The following PRKCZ variants were observed in gnomAD, a reference collection of about 807,000 sequenced individuals.
The protein encoded by PRKCZ is protein kinase C zeta, also known as protein kinase C zeta type.
In PRKCZ, 33 loss-of-function variants were observed where a neutral mutation model predicts 79.5. The ratio of observed to expected loss-of-function variants is 0.41; its 90% CI spans 0.31 to 0.55. The LOEUF is 0.55. PRKCZ is among the 20% of genes least tolerant of loss of function. The pLI, the probability that PRKCZ is intolerant of heterozygous loss-of-function variation, is 0.19. For missense variants in PRKCZ, 578 were observed against 813.5 expected, an observed-to-expected ratio of 0.71 and a Z score of 3.52; for synonymous variants, 342 against 320.9, an observed-to-expected ratio of 1.07 and a Z score of -0.70.
chr1:2,127,485 C>T lies in PRKCZ; in HGVS notation c.335-7777C>T, dbSNP rs979920648. On this transcript the variant is annotated intron_variant, in intron 4 of 17. Coordinates refer to ENST00000378567, the MANE Select transcript of PRKCZ (RefSeq NM_002744.6). The surrounding 1 kb of genome is among the most constrained non-coding windows in gnomAD (Gnocchi z 5.1). Reference sequence around the variant, plus strand: ...CTCACCCTCTGGTCCTGGCTGGGCCCGTCCCGCCCCACGTCCCGCCTCCCA... The same window carrying T: ...CTCACCCTCTGGTCCTGGCTGGGCCTGTCCCGCCCCACGTCCCGCCTCCCA... Among the ~76,000 whole-genome samples, 2 of 152,054 alleles carry T rather than the reference C, an allele frequency of 1.3e-5. No homozygotes were observed. The highest frequency in any genetic ancestry group is 2.4e-5 in the African/African-American group (1 of 41,390).
At position 2,075,120 on chromosome 1, in the gene PRKCZ, T is replaced by G. The variant is rs1662159501; in HGVS notation, c.334+15529T>G. 6.6e-6 allele frequency: 1 copy of G among 152,098 alleles called. No homozygotes were observed. Among genetic ancestry groups the G allele is most frequent in the African/African-American group, 2.4e-5 (1 of 41,366 alleles). 9.4% of individuals were successfully genotyped at this position (152,098 alleles called of 1,614,324 possible). ...GCAGGGGTCCTTGAGTGATGAAGAT[T>G]CTGTGTTGATGGGGTGAGTGGGAGA... On this transcript the variant is annotated intron_variant, in intron 4 of 17. Transcript: ENST00000378567. This position sits in a 1 kb window ranked among gnomAD's most constrained non-coding sequence, Gnocchi z 4.8.
intron 4 of PRKCZ, among the ~76,000 whole-genome samples, chr1:2,099,475 G>A (rs1245037275): frequency 1.3e-5 from 2 of 151,958 alleles, no homozygotes; most frequent in African/African-American, 2.4e-5. Flanking sequence ...GGACACAGGC[G>A]GCTGCCAGGA....
At chr1:2,157,712 G>GTTT (rs71578360) in intron 10 of PRKCZ, among the ~76,000 whole-genome samples, 2 of 134,158 alleles carry the variant, frequency 1.5e-5, no homozygotes, top group Non-Finnish European at 1.6e-5. Context: ...CGCCTCCAGA[G>GTTT]TTTTTTTTTT....
chr1:2,104,511 A>G (rs1571399247), intron 4 of PRKCZ, among the ~76,000 whole-genome samples: 1 of 152,082 alleles, frequency 6.6e-6, no homozygotes, highest in Non-Finnish European at 1.5e-5. Context: ...GGGGACAGAC[A>G]GGGGAGCCCC....
intron 4 of PRKCZ, 117 bp downstream of exon 4, chr1:2,059,708 A>C: frequency 7.3e-7 from 1 of 1,373,798 alleles, no homozygotes; most frequent in Non-Finnish European, 1.0e-6. Context: ...GTGGAGCGTC[A>C]GGGCAGGAGC....
chr1:2,061,143 G>T (rs1660636870), intron 4 of PRKCZ, among the ~76,000 whole-genome samples: 2 of 152,200 alleles, frequency 1.3e-5, no homozygotes, highest in Admixed American at 6.5e-5. Context: ...TTGGTGACAG[G>T]ACTGTGCTCC....
At chr1:2,126,030 C>T (rs954918146) in intron 4 of PRKCZ, among the ~76,000 whole-genome samples, 1 of 152,154 alleles carries the variant, frequency 6.6e-6, no homozygotes, top group African/African-American at 2.4e-5. Context: ...TGAAGGCTGT[C>T]GCCCGATCGC....
intron 10 of PRKCZ, among the ~76,000 whole-genome samples, chr1:2,158,098 C>T (rs1442925398): frequency 1.3e-5 from 2 of 152,206 alleles, no homozygotes; most frequent in African/African-American, 4.8e-5. Context: ...GAAGAGCCGG[C>T]GTGACCCGGC....
At chr1:2,129,231 C>T (rs1045466759) in intron 4 of PRKCZ, among the ~76,000 whole-genome samples, 11 of 152,228 alleles carry the variant, frequency 7.2e-5, no homozygotes, top group South Asian at 4.1e-4. Flanking sequence ...CAGAATCCCC[C>T]GAAAAGGTGG....
At chr1:2,078,348 T>C (rs1388945378) in intron 4 of PRKCZ, among the ~76,000 whole-genome samples, 1 of 152,252 alleles carries the variant, frequency 6.6e-6, no homozygotes, top group African/African-American at 2.4e-5. Context: ...TAGCTAGGTA[T>C]GAAATTCTGT....
At chr1:2,139,556 T>C (rs1026934490) in intron 5 of PRKCZ, among the ~76,000 whole-genome samples, 3 of 152,046 alleles carry the variant, frequency 2.0e-5, no homozygotes, top group Non-Finnish European at 4.4e-5. Context: ...ACCACTGCAC[T>C]CCAGCCTGGG....
chr1:2,113,701 C>T (rs922007267), intron 4 of PRKCZ, among the ~76,000 whole-genome samples: 1 of 152,158 alleles, frequency 6.6e-6, no homozygotes, highest in African/African-American at 2.4e-5. Context: ...CAATGGCAGC[C>T]TAGCTGCCGT....
At chr1:2,086,206 C>T (rs1664493659) in intron 4 of PRKCZ, among the ~76,000 whole-genome samples, 1 of 151,988 alleles carries the variant, frequency 6.6e-6, no homozygotes. Flanking sequence ...GGACTACAGG[C>T]TCCTGCCACC....
At chr1:2,068,016 G>C (rs1661262599) in intron 4 of PRKCZ, among the ~76,000 whole-genome samples, 1 of 152,222 alleles carries the variant, frequency 6.6e-6, no homozygotes, top group Admixed American at 6.5e-5. Context: ...AAATGCAGCA[G>C]ATCCCTCAGG....
rs1240531341 is a variant in PRKCZ at position 2,169,479 on chromosome 1, C to T, written c.975-39C>T. 6 of 1,531,974 alleles carry T rather than the reference C, an allele frequency of 3.9e-6. No individual in the cohort carries two copies. The Admixed American group carries it at 1.2e-4, about 30-fold the overall frequency. 94.9% of individuals were successfully genotyped at this position (1,531,974 alleles called of 1,614,324 possible). A position where few individuals can be genotyped will look rare whatever the true frequency, so the allele number is the denominator to read the frequency against. ...TTCTGTCTAAGGAGGCCGCCGTCTGCCGAGGTGACTGCAGCCTCCGGCGCC... is the reference window on the plus strand; with the variant it reads ...TTCTGTCTAAGGAGGCCGCCGTCTGTCGAGGTGACTGCAGCCTCCGGCGCC... On this transcript the variant is annotated intron_variant, in intron 10 of 17. Transcript: ENST00000378567.
intron 4 of PRKCZ, among the ~76,000 whole-genome samples, chr1:2,077,171 C>T (rs1391043724): frequency 1.3e-5 from 2 of 152,198 alleles, no homozygotes; most frequent in African/African-American, 4.8e-5. Flanking sequence ...TTCGTTTCGT[C>T]CACGCTCACG....
At chr1:2,126,305 C>T (rs1236329009) in intron 4 of PRKCZ, among the ~76,000 whole-genome samples, 1 of 152,112 alleles carries the variant, frequency 6.6e-6, no homozygotes, top group Non-Finnish European at 1.5e-5. Context: ...GAGGGCTGGT[C>T]TGCTGACCTG....
intron 4 of PRKCZ, among the ~76,000 whole-genome samples, chr1:2,089,673 G>A (rs543629293): frequency 2.6e-5 from 4 of 152,224 alleles, no homozygotes; most frequent in South Asian, 2.1e-4. Context: ...TGACACCGTC[G>A]CCTGTGGGTG....
At chr1:2,074,244 C>T (rs1306573674) in intron 4 of PRKCZ, 1 of 1,550,454 alleles carries the variant, frequency 6.4e-7, no homozygotes. Flanking sequence ...GCAGGGGCTG[C>T]TGGAGGGACA....
Sources: allele counts gnomAD v4.1 joint callset (sites outside exome capture counted in the v4.1 genomes callset), GRCh38; gene constraint gnomAD v4.1.1; non-coding constraint Gnocchi (gnomAD v3.1); transcripts MANE v1.5; gene names NCBI Gene and HGNC (gene_info 2026-07-23, HGNC 2026-07-21).